The following PUM3 variants were observed in gnomAD, a reference collection of about 807,000 sequenced individuals.
PUM3 encodes pumilio homolog 3.
PUM3 carries 91 observed loss-of-function variants against 84.0 expected under a neutral mutation model. The observed-to-expected ratio is 1.08, with a 90% CI of 0.91 to 1.29. The LOEUF is 1.29. PUM3 is among the 50% of genes most tolerant of loss of function. The probability of loss-of-function intolerance (pLI) is 0.00; values close to 1 mark genes in which losing one functional copy is unlikely to be tolerated. For missense variants in PUM3, 1,067 were observed against 767.5 expected (o/e 1.39, Z -4.61); for synonymous variants, 321 against 266.7 (o/e 1.20, Z -1.98).
chr9:2,811,101 G>A (rs1821358739), intron 15 of PUM3, among the ~76,000 whole-genome samples: 1 of 152,204 alleles, frequency 6.6e-6, no homozygotes, highest in Non-Finnish European at 1.5e-5. Flanking sequence ...GGTGTCAGAA[G>A]CACCTTGGGC....
chr9:2,807,580 G>C (rs1043571060), intron 17 of PUM3, among the ~76,000 whole-genome samples: 2 of 115,728 alleles, frequency 1.7e-5, no homozygotes, highest in Admixed American at 1.2e-4. Context: ...TCCAGCCTGG[G>C]TGACAGTGAG....
intron 16 of PUM3, among the ~76,000 whole-genome samples, chr9:2,809,353 G>A (rs1821320102): frequency 6.6e-6 from 1 of 152,192 alleles, no homozygotes; most frequent in South Asian, 2.1e-4. Flanking sequence ...CATTAAGCCA[G>A]ACTACTTTTC....
chr9:2,830,845 G>C, intron 7 of PUM3, 117 bp downstream of exon 7: 2 of 634,404 alleles, frequency 3.2e-6, no homozygotes, highest in South Asian at 3.6e-5. Flanking sequence ...CATCTGCTGA[G>C]AGCCATTACT....
intron 12 of PUM3, among the ~76,000 whole-genome samples, chr9:2,822,256 G>C (rs1185570952): frequency 6.6e-6 from 1 of 152,072 alleles, no homozygotes; most frequent in East Asian, 1.9e-4. Flanking sequence ...CAACTACTTT[G>C]ATCTAATTGA....
chr9:2,839,760 G>C (rs956811816), intron 1 of PUM3, among the ~76,000 whole-genome samples: 1 of 152,170 alleles, frequency 6.6e-6, no homozygotes, highest in Non-Finnish European at 1.5e-5. Context: ...AACCATACCT[G>C]CATCTCTCAG....
At position 2,813,028 on chromosome 9, in the gene PUM3, T is replaced by C. The variant is rs115033390; in HGVS notation, c.1270-666A>G. On this transcript the variant is annotated intron_variant, in intron 13 of 17. Transcript: ENST00000397885. The stretch of plus-strand genomic sequence containing the variant: ...ATAAAGGCTTTTAAAGTTAGGTTGC[T>C]TATTCATGGCAAATGAAGGCTGTTT... Among the ~76,000 whole-genome samples the C allele has an allele frequency of 4.3e-3, 662 of 152,350 alleles. 6 individuals are homozygous for C. The highest frequency in any genetic ancestry group is 0.014 in the African/African-American group (598 of 41,586).
intron 5 of PUM3, among the ~76,000 whole-genome samples, chr9:2,831,790 T>C (rs183162127): frequency 1.0e-3 from 158 of 152,316 alleles, no homozygotes; most frequent in African/African-American, 3.8e-3. Flanking sequence ...GTAAGATCAA[T>C]CTAAAAGTCT....
intron 17 of PUM3, among the ~76,000 whole-genome samples, 170 bp downstream of exon 17, chr9:2,807,644 A>G (rs996952474): frequency 6.7e-6 from 1 of 149,994 alleles, no homozygotes; most frequent in Non-Finnish European, 1.5e-5. Flanking sequence ...GGACTGACTG[A>G]AAGAGTTACA....
In PUM3 at chr9:2,812,213, G is replaced by C. The variant is rs777109432; in HGVS notation, c.1412+7C>G. 4 of 1,612,522 alleles carry C rather than the reference G, an allele frequency of 2.5e-6. No individual in the cohort carries two copies. The highest frequency in any genetic ancestry group is 3.4e-6 in the Non-Finnish European group (4 of 1,178,882). On this transcript the variant is annotated splice_region_variant and intron_variant, in intron 14 of 17. Transcript: ENST00000397885. ...TAAAGAAGTCAAGCCATTCTACTTGGTTTTACCTGTGTGCATTTCCATCTC... is the reference window on the plus strand; with the variant it reads ...TAAAGAAGTCAAGCCATTCTACTTGCTTTTACCTGTGTGCATTTCCATCTC...
chr9:2,819,001 C>T (rs1391356960), intron 13 of PUM3, among the ~76,000 whole-genome samples: 2 of 152,150 alleles, frequency 1.3e-5, no homozygotes, highest in African/African-American at 4.8e-5. Context: ...TGTGAAAGTA[C>T]CACATGTCAT....
intron 10 of PUM3, among the ~76,000 whole-genome samples, chr9:2,826,591 A>G (rs1815826147): frequency 6.6e-6 from 1 of 152,224 alleles, no homozygotes; most frequent in African/African-American, 2.4e-5. Flanking sequence ...TCTCATTTGT[A>G]TTCCCATGAC....
chr9:2,804,294 GA>G lies in PUM3; in HGVS notation c.*36del. ...GCATTGGGAAACAGAACAGAGAACA[GA>G]AAAAATCATTCCATCTTGCTCTTAA... On this transcript the variant is annotated 3_prime_UTR_variant, in exon 18 of 18. Coordinates refer to ENST00000397885, the MANE Select transcript of PUM3 (RefSeq NM_014878.5). 1.4e-5 allele frequency: 22 copies of G among 1,601,556 alleles called. No homozygotes were observed. Among genetic ancestry groups the G allele is most frequent in the Non-Finnish European group, 1.9e-5 (22 of 1,174,608 alleles).
intron 17 of PUM3, among the ~76,000 whole-genome samples, chr9:2,807,004 C>T (rs1003826200): frequency 3.3e-5 from 5 of 151,472 alleles, no homozygotes; most frequent in Non-Finnish European, 5.9e-5. Context: ...GTCAGGAGAT[C>T]GAGACCATCC....
At chr9:2,819,412 A>G (rs1048851191) in intron 13 of PUM3, among the ~76,000 whole-genome samples, 1 of 152,234 alleles carries the variant, frequency 6.6e-6, no homozygotes, top group Non-Finnish European at 1.5e-5. Context: ...ACTAGAAGGA[A>G]TTTCTGAAAT....
In PUM3 at chr9:2,831,334, G is replaced by A. The variant is rs1815974814; in HGVS notation, c.527C>T (p.Ala176Val). The A allele has an allele frequency of 1.9e-6, 3 of 1,603,874 alleles. No individual in the cohort carries two copies. Among genetic ancestry groups the A allele is most frequent in the African/African-American group, 1.3e-5 (1 of 74,646 alleles). ...IQGKIKTIAFAHDSTRVIQCY... is the reference protein window; with the variant it reads ...IQGKIKTIAFVHDSTRVIQCY... ...CTGGATCACACGAGTTGAATCGTGT[G>A]CAAATGCAATCTGCAGGAAAAAGTT... Residue 176 changes from alanine (A) to valine (V), a missense_variant, in exon 6 of 18, where the codon GCA becomes GTA. Physicochemically the swap from Ala to Val is moderately conservative, Grantham distance 64 (BLOSUM62 0). Coordinates refer to ENST00000397885, the MANE Select transcript of PUM3 (RefSeq NM_014878.5).
At position 2,838,471 on chromosome 9, in the gene PUM3, T is replaced by C. The variant is rs759294824; in HGVS notation, c.37A>G (p.Ser13Gly). The C allele has an allele frequency of 2.5e-6, 4 of 1,613,700 alleles. No individual in the cohort carries two copies. Among genetic ancestry groups the C allele is most frequent in the Non-Finnish European group, 3.4e-6 (4 of 1,179,678 alleles). Residue 13 changes from serine to glycine, a missense_variant, in exon 2 of 18, where the codon AGT becomes GGT. Transcript: ENST00000397885. The part of the protein sequence containing the change: ...VKGKKQFTGK[S>G]TKTAQEKNRF... ...TTTTTTTCTTGTGCTGTCTTTGTAC[T>C]CTTTCCTGTGAATTGCTTTTTCCCT...
chr9:2,806,648 A>G (rs1821263594), intron 17 of PUM3, among the ~76,000 whole-genome samples: 1 of 152,198 alleles, frequency 6.6e-6, no homozygotes, highest in African/African-American at 2.4e-5. Context: ...TCATCTGCAC[A>G]GAGAATGTAT....
At chr9:2,821,746 T>C (rs1290074040) in intron 12 of PUM3, among the ~76,000 whole-genome samples, 1 of 152,182 alleles carries the variant, frequency 6.6e-6, no homozygotes. Context: ...ATCCAGTGAT[T>C]CTAGTTCTAG....
intron 12 of PUM3, among the ~76,000 whole-genome samples, chr9:2,820,501 A>C (rs1028657410): frequency 2.0e-5 from 3 of 152,158 alleles, no homozygotes; most frequent in African/African-American, 7.2e-5. Context: ...CCAATCATGA[A>C]AAAGAAAATA....
Sources: allele counts gnomAD v4.1 joint callset (sites outside exome capture counted in the v4.1 genomes callset), GRCh38; gene constraint gnomAD v4.1.1; transcripts MANE v1.5; gene names NCBI Gene and HGNC (gene_info 2026-07-23, HGNC 2026-07-21).